ZFAND3: variants seen among roughly 807,000 people sequenced by gnomAD.
The protein encoded by ZFAND3 is zinc finger AN1-type containing 3, also known as AN1-type zinc finger protein 3.
Under a neutral mutation model 29.6 loss-of-function variants are expected in ZFAND3, and 10 were observed. That is an observed-to-expected ratio of 0.34 (90% CI 0.21 to 0.57). ZFAND3 has a LOEUF of 0.57. Among genes scored for constraint, ZFAND3 ranks in the 20% least tolerant of loss-of-function variants. The pLI is 0.86. For synonymous variants in ZFAND3, 128 were observed against 112.6 expected, an observed-to-expected ratio of 1.14 and a Z score of -0.87; for missense variants, 230 against 304.5, an observed-to-expected ratio of 0.76 and a Z score of 1.82.
Position 38,027,531 on chromosome 6 carries a change from G to A in ZFAND3, c.113-34062G>A, listed in dbSNP as rs140503700. ...TATTGTTTAGCTGCCTTGGAATTAA[G>A]TCTATAAAATATCAATGAATGTACT... On this transcript the variant is annotated intron_variant, in intron 2 of 5. Coordinates refer to ENST00000287218, the MANE Select transcript of ZFAND3 (RefSeq NM_021943.3). 7.9e-3 allele frequency among the ~76,000 whole-genome samples: 1,203 copies of A among 152,272 alleles called. 8 individuals are homozygous for A. The highest frequency in any genetic ancestry group is 0.013 in the Non-Finnish European group (874 of 68,034).
In ZFAND3 at chr6:38,153,363, CTGGAGCCGCCCGT is replaced by C; in HGVS notation, c.*975_*987del. On this transcript the variant is annotated 3_prime_UTR_variant, in exon 6 of 6. Transcript: ENST00000287218. ...CGCCCACGGGCTCTGCCCCTTCCAGCTGGAGCCGCCCGTGCCTCCAGGGGCCAAGAGGATGATG... is the reference window on the plus strand; with the variant it reads ...CGCCCACGGGCTCTGCCCCTTCCAGCGCCTCCAGGGGCCAAGAGGATGATG... 1.0e-6 allele frequency: 1 copy of C among 985,518 alleles called. No homozygotes were observed. Among genetic ancestry groups the C allele is most frequent in the Non-Finnish European group, 1.2e-6 (1 of 829,956 alleles). The allele number at this position is 985,518 out of a possible 1,614,324, so 61.0% of individuals were successfully genotyped here. A position where few individuals can be genotyped will look rare whatever the true frequency, so the allele number is the denominator to read the frequency against.
chr6:37,898,086 CTT>C (rs146140417), intron 1 of ZFAND3, among the ~76,000 whole-genome samples: 4,525 of 152,202 alleles, frequency 0.03, 170 homozygotes, highest in African/African-American at 0.086. Context: ...GGTCAGGACT[CTT>C]TGTGTTTTAA....
intron 2 of ZFAND3, among the ~76,000 whole-genome samples, chr6:37,947,728 T>C (rs1163036956): frequency 3.5e-5 from 1 of 28,534 alleles, no homozygotes; most frequent in Non-Finnish European, 1.5e-4. Context: ...TTATCAGTTG[T>C]ACACATTTTT....
At chr6:38,092,281 C>CTG (rs1282373297) in intron 4 of ZFAND3, among the ~76,000 whole-genome samples, 1 of 152,210 alleles carries the variant, frequency 6.6e-6, no homozygotes, top group African/African-American at 2.4e-5. Context: ...TACTAAAAGA[C>CTG]TGCTGTGACA....
At chr6:37,849,903 T>TGAAAGGATGG (rs1764251967) in intron 1 of ZFAND3, among the ~76,000 whole-genome samples, 1 of 152,186 alleles carries the variant, frequency 6.6e-6, no homozygotes, top group African/African-American at 2.4e-5. Context: ...ATCCTTTCCT[T>TGAAAGGATGG]TAGTTTCACC....
intron 1 of ZFAND3, among the ~76,000 whole-genome samples, chr6:37,824,498 A>G (rs916591555): frequency 1.3e-5 from 2 of 152,218 alleles, no homozygotes; most frequent in African/African-American, 4.8e-5. Flanking sequence ...TTGTTTTCTA[A>G]TTCTATTTAA....
chr6:37,911,829 A>C (rs1036941732), intron 1 of ZFAND3, among the ~76,000 whole-genome samples: 2 of 152,148 alleles, frequency 1.3e-5, no homozygotes, highest in Non-Finnish European at 2.9e-5. Flanking sequence ...GCTGCCTGAG[A>C]TGGCATCTGG....
At chr6:37,966,809 C>T (rs748125066) in intron 2 of ZFAND3, among the ~76,000 whole-genome samples, 51 of 152,164 alleles carry the variant, frequency 3.4e-4, no homozygotes, top group African/African-American at 5.3e-4. Flanking sequence ...TTATAGCACA[C>T]GTCCCCATAA....
intron 2 of ZFAND3, among the ~76,000 whole-genome samples, chr6:38,031,106 A>G (rs915053072): frequency 8.5e-5 from 13 of 152,228 alleles, no homozygotes; most frequent in African/African-American, 3.1e-4. Context: ...TAGCCAAGAT[A>G]GGACCCAGGT....
At chr6:38,104,369 T>C (rs1375513482) in intron 4 of ZFAND3, among the ~76,000 whole-genome samples, 3 of 152,244 alleles carry the variant, frequency 2.0e-5, no homozygotes, top group African/African-American at 7.2e-5. Flanking sequence ...TGAGAAGACA[T>C]GTTTTGCCTT....
intron 2 of ZFAND3, among the ~76,000 whole-genome samples, chr6:37,967,399 C>T (rs1451851424): frequency 6.6e-6 from 1 of 152,138 alleles, no homozygotes; most frequent in Non-Finnish European, 1.5e-5. Flanking sequence ...TCTAAGCTCA[C>T]CTTGTACTTT....
intron 1 of ZFAND3, among the ~76,000 whole-genome samples, chr6:37,885,136 G>T (rs543966978): frequency 1.3e-5 from 2 of 151,884 alleles, no homozygotes; most frequent in Non-Finnish European, 2.9e-5. Flanking sequence ...TTTGGAGCTT[G>T]TATTTGTCTT....
At position 38,026,421 on chromosome 6, in the gene ZFAND3, A is replaced by ATTT. The variant is rs10715149; in HGVS notation, c.113-35148_113-35146dup. On this transcript the variant is annotated intron_variant, in intron 2 of 5. Coordinates refer to ENST00000287218, the MANE Select transcript of ZFAND3 (RefSeq NM_021943.3). ...CATTTATTATTTGTATTACTTTAGG[A>ATTT]TTTTTTTTTTTTTTTTTTTTTTTTT... is the stretch of plus-strand genomic sequence containing the variant. 7.9e-3 allele frequency among the ~76,000 whole-genome samples: 594 copies of ATTT among 74,866 alleles called. 60 individuals carry two copies. Among genetic ancestry groups the ATTT allele is most frequent in the Admixed American group, 0.026 (135 of 5,162 alleles). 49.1% of individuals were successfully genotyped at this position (74,866 alleles called of 152,430 possible). A position where few individuals can be genotyped will look rare whatever the true frequency, so the allele number is the denominator to read the frequency against.
intron 2 of ZFAND3, among the ~76,000 whole-genome samples, chr6:37,995,014 A>G (rs542704268): frequency 1.9e-3 from 285 of 152,342 alleles, no homozygotes; most frequent in Non-Finnish European, 3.4e-3. Flanking sequence ...AGTGTGTAGC[A>G]GTTTAACAGC....
At chr6:38,100,886 A>AT (rs1290364415) in intron 4 of ZFAND3, among the ~76,000 whole-genome samples, 1 of 152,176 alleles carries the variant, frequency 6.6e-6, no homozygotes, top group Non-Finnish European at 1.5e-5. Context: ...ACATGTATGC[A>AT]TGTGTATTAT....
intron 1 of ZFAND3, among the ~76,000 whole-genome samples, chr6:37,917,077 G>T (rs1761272707): frequency 6.6e-6 from 1 of 152,126 alleles, no homozygotes; most frequent in Non-Finnish European, 1.5e-5. Flanking sequence ...GTTAATTATT[G>T]TTGTTAATCT....
rs115471358 is a variant in ZFAND3 at position 37,969,069 on chromosome 6, C to G, written c.112+39070C>G. On this transcript the variant is annotated intron_variant, in intron 2 of 5. Coordinates refer to ENST00000287218, the MANE Select transcript of ZFAND3 (RefSeq NM_021943.3). ...TAGGCTATTGCTCCTAGTCTACAAA[C>G]CTGTGCAGCATGTGACTGTACTGAA... Among the ~76,000 whole-genome samples the G allele has an allele frequency of 3.6e-3, 554 of 152,250 alleles. 3 individuals are homozygous for G. Among genetic ancestry groups the G allele is most frequent in the Middle Eastern group, 0.014 (4 of 294 alleles).
chr6:37,887,862 G>C (rs1014979502), intron 1 of ZFAND3, among the ~76,000 whole-genome samples: 1 of 152,198 alleles, frequency 6.6e-6, no homozygotes, highest in Non-Finnish European at 1.5e-5. Context: ...ATAGCCTTTT[G>C]GAAAACAAGT....
chr6:37,965,871 T>A (rs574311054), intron 2 of ZFAND3, among the ~76,000 whole-genome samples: 1 of 152,252 alleles, frequency 6.6e-6, no homozygotes, highest in South Asian at 2.1e-4. Context: ...CAGGTAACCT[T>A]CCCACCTCAG....
Sources: allele counts gnomAD v4.1 joint callset (sites outside exome capture counted in the v4.1 genomes callset), GRCh38; gene constraint gnomAD v4.1.1; transcripts MANE v1.5; gene names NCBI Gene and HGNC (gene_info 2026-07-23, HGNC 2026-07-21).